Variants in KCNN1 observed in about 807,000 individuals in gnomAD.
The protein encoded by KCNN1 is small conductance calcium-activated potassium channel protein 1.
KCNN1 carries 20 observed loss-of-function variants against 44.7 expected under a neutral mutation model. The ratio of observed to expected loss-of-function variants is 0.45; its 90% CI spans 0.32 to 0.65. The LOEUF is 0.65. Among genes scored for constraint, KCNN1 ranks in the 30% least tolerant of loss-of-function variants. The pLI is 0.05. For synonymous variants in KCNN1, 324 were observed against 341.7 expected (o/e 0.95, Z 0.57); for missense variants, 632 against 785.3 (o/e 0.80, Z 2.33).
In KCNN1 at chr19:17,983,719, G is replaced by A. The variant is rs2032500312; in HGVS notation, c.917+1592G>A. The stretch of plus-strand genomic sequence containing the variant: ...CCCGCCTCCCGCATGTCCCCCAGCC[G>A]TGCTCCTGGGTGGTCCCGCGGCACC... On this transcript the variant is annotated intron_variant, in intron 4 of 9. Transcript: ENST00000684775. The surrounding 1 kb of genome is among the most constrained non-coding windows in gnomAD (Gnocchi z 4.5). 3.3e-5 allele frequency among the ~76,000 whole-genome samples: 5 copies of A among 151,270 alleles called. No homozygotes were observed. Among genetic ancestry groups the A allele is most frequent in the African/African-American group, 7.3e-5 (3 of 41,102 alleles).
intron 2 of KCNN1, among the ~76,000 whole-genome samples, chr19:17,956,391 AAGGACAAAGGCC>A (rs1211234759): frequency 6.6e-6 from 1 of 152,202 alleles, no homozygotes; most frequent in African/African-American, 2.4e-5. Flanking sequence ...GGGATGCAAT[AAGGACAAAGGCC>A]AGCCCAGGTC....
intron 1 of KCNN1, among the ~76,000 whole-genome samples, chr19:17,967,568 G>A (rs533634252): frequency 6.6e-6 from 1 of 152,078 alleles, no homozygotes; most frequent in East Asian, 2.0e-4. Flanking sequence ...CTTTGGGGGA[G>A]GGCAGAGCTG....
At chr19:17,976,405 T>G (rs1332311225) in intron 3 of KCNN1, among the ~76,000 whole-genome samples, 1 of 151,802 alleles carries the variant, frequency 6.6e-6, no homozygotes, top group Admixed American at 6.6e-5. Flanking sequence ...ACCTGTACAA[T>G]GGACAATTAT....
chr19:17,989,582 C>T, intron 6 of KCNN1, 134 bp from the exon 7 acceptor site: 1 of 1,257,634 alleles, frequency 8.0e-7, no homozygotes, highest in Non-Finnish European at 1.1e-6. Context: ...ACAAGCATGG[C>T]CCTGCCTTAT....
chr19:17,953,246 T>C (rs73024609), intron 1 of KCNN1, among the ~76,000 whole-genome samples: 26,204 of 152,080 alleles, frequency 0.17, 2,643 homozygotes, highest in East Asian at 0.38. Flanking sequence ...GGCTTATAGA[T>C]GGGGAAGTCA....
chr19:17,988,705 G>A, intron 6 of KCNN1, among the ~76,000 whole-genome samples, 180 bp downstream of exon 6: 1 of 152,178 alleles, frequency 6.6e-6, no homozygotes. Context: ...AAGGCCAGGA[G>A]TTCGAGACCA....
chr19:17,980,274 G>A (rs2032360520), intron 3 of KCNN1, among the ~76,000 whole-genome samples: 1 of 87,920 alleles, frequency 1.1e-5, no homozygotes, highest in Non-Finnish European at 2.2e-5. Flanking sequence ...TTTTAGTAGA[G>A]ACGGGGTTTT....
Position 17,998,402 on chromosome 19 carries a change from G to C in KCNN1, c.1628G>C (p.Gly543Ala). ...RWTPVAPSDC[G>A] is the part of the protein sequence containing the mutation. ...ACGCCCGTGGCCCCCTCGGACTGCG[G>C]GTGACGGCCCTGCCCGCCACCAGAC... The change falls in exon 10 of 10, where the codon GGG (glycine) becomes GCG (alanine). Residue 543 changes from glycine to alanine, a missense_variant. Coordinates refer to ENST00000684775, the MANE Select transcript of KCNN1 (RefSeq NM_001386974.1). The surrounding 1 kb of genome is among the most constrained non-coding windows in gnomAD (Gnocchi z 5.4). 6.8e-7 allele frequency: 1 copy of C among 1,473,556 alleles called. No homozygotes were observed. The highest frequency in any genetic ancestry group is 8.9e-7 in the Non-Finnish European group (1 of 1,119,238). 91.3% of individuals were successfully genotyped at this position (1,473,556 alleles called of 1,614,324 possible). A position where few individuals can be genotyped will look rare whatever the true frequency, so the allele number is the denominator to read the frequency against.
chr19:17,962,568 G>A (rs1254968531), upstream of KCNN1, among the ~76,000 whole-genome samples: 1 of 152,076 alleles, frequency 6.6e-6, no homozygotes, highest in Non-Finnish European at 1.5e-5. Context: ...CTGATGGAAG[G>A]AATCCCAGGT....
intron 1 of KCNN1, among the ~76,000 whole-genome samples, chr19:17,969,398 C>T (rs1423924485): frequency 1.3e-5 from 2 of 152,170 alleles, no homozygotes; most frequent in African/African-American, 4.8e-5. Context: ...CCTTGCTCAC[C>T]GGTGGTGATA....
At chr19:17,957,249 A>G (rs1302377402) in intron 2 of KCNN1, among the ~76,000 whole-genome samples, 7 of 91,542 alleles carry the variant, frequency 7.6e-5, no homozygotes, top group African/African-American at 2.2e-4. Context: ...GGAAGGGGAA[A>G]GGGAAAGGGA....
chr19:17,955,404 A>C (rs901562661), intron 2 of KCNN1, among the ~76,000 whole-genome samples: 1 of 151,476 alleles, frequency 6.6e-6, no homozygotes, highest in East Asian at 1.9e-4. Context: ...TCTACTAAAA[A>C]TACAAAATTA....
intron 1 of KCNN1, among the ~76,000 whole-genome samples, chr19:17,970,912 C>G (rs2031998059): frequency 6.7e-6 from 1 of 150,256 alleles, no homozygotes; most frequent in East Asian, 2.0e-4. Flanking sequence ...GAGACAGAGT[C>G]TCACTCTGTT....
intron 5 of KCNN1, among the ~76,000 whole-genome samples, chr19:17,986,178 A>G (rs2032587639): frequency 6.6e-6 from 1 of 151,538 alleles, no homozygotes; most frequent in South Asian, 2.1e-4. Flanking sequence ...AGCCTGGCCA[A>G]CGTGGTGAGA....
chr19:17,975,136 C>T lies in KCNN1; in HGVS notation c.447C>T (p.Ser149=). 3.1e-6 allele frequency: 5 copies of T among 1,613,760 alleles called. No individual in the cohort carries two copies. The highest frequency in any genetic ancestry group is 4.2e-6 in the Non-Finnish European group (5 of 1,179,782). Residue 149 remains serine (S), a synonymous_variant, in exon 3 of 10, where the codon TCC becomes TCT. Coordinates refer to ENST00000684775, the MANE Select transcript of KCNN1 (RefSeq NM_001386974.1). ...SFALKCLISL[S]TAILLGLVVL... ...CACTCAAATGCCTCATCAGCCTCTC[C>T]ACGGCCATCCTGCTGGGTCTCGTTG...
chr19:17,984,047 C>T (rs934065206), intron 4 of KCNN1, among the ~76,000 whole-genome samples: 1 of 151,884 alleles, frequency 6.6e-6, no homozygotes, highest in Admixed American at 6.6e-5. Context: ...CGTGTAGTCC[C>T]AGCTACTCGG....
intron 2 of KCNN1, among the ~76,000 whole-genome samples, chr19:17,956,082 C>A (rs142377448): frequency 1.3e-5 from 2 of 152,244 alleles, no homozygotes; most frequent in African/African-American, 4.8e-5. Context: ...GGATTACAGG[C>A]ATGCGTCACC....
At chr19:17,982,647 G>A (rs536544208) in intron 4 of KCNN1, 9 of 955,416 alleles carry the variant, frequency 9.4e-6, no homozygotes, top group African/African-American at 8.8e-5. Context: ...TCCCCGACCC[G>A]CTAGGAATTT....
rs532467331 is a variant in KCNN1 at position 17,998,178 on chromosome 19, A to G, written c.1404A>G (p.Val468=). 6 of 1,601,614 alleles carry G rather than the reference A, an allele frequency of 3.7e-6. No homozygotes were observed. Among genetic ancestry groups the G allele is most frequent in the South Asian group, 3.4e-5 (3 of 89,138 alleles). Reference sequence around the variant, plus strand: ...CCCAGACCGTCATGTACGACCTTGTATCGGAGCTGCACGCTCAGCACGAGG... The same window carrying G: ...CCCAGACCGTCATGTACGACCTTGTGTCGGAGCTGCACGCTCAGCACGAGG... ...AKTQTVMYDL[V]SELHAQHEEL... is the part of the protein sequence containing the mutation. Residue 468 remains valine, a synonymous_variant, in exon 10 of 10, where the codon GTA becomes GTG. Transcript: ENST00000684775. This position sits in a 1 kb window ranked among gnomAD's most constrained non-coding sequence, Gnocchi z 5.4.
Sources: gnomAD v4.1 joint callset for allele counts (sites outside exome capture counted in the v4.1 genomes callset) on GRCh38, gnomAD v4.1.1 for gene constraint, Gnocchi (gnomAD v3.1) non-coding constraint, MANE v1.5 for transcripts, NCBI Gene and HGNC (gene_info 2026-07-23, HGNC 2026-07-21) for gene names.